SNTG1: variants seen among roughly 807,000 people sequenced by gnomAD.
SNTG1 encodes the protein syntrophin gamma 1.
SNTG1 carries 39 observed loss-of-function variants against 74.7 expected under a neutral mutation model. The observed-to-expected ratio is 0.52, with a 90% CI of 0.40 to 0.68. The LOEUF (loss-of-function observed/expected upper bound fraction) is 0.68, where lower values mean the gene tolerates loss of function less well. SNTG1 is among the 30% of genes least tolerant of loss of function. The pLI is 0.00. For missense variants in SNTG1, 685 were observed against 609.5 expected, an observed-to-expected ratio of 1.12 and a Z score of -1.30; for synonymous variants, 254 against 217.1, an observed-to-expected ratio of 1.17 and a Z score of -1.49.
chr8:50,239,177 A>G (rs1021385679), intron 2 of SNTG1, among the ~76,000 whole-genome samples: 3 of 152,148 alleles, frequency 2.0e-5, no homozygotes, highest in African/African-American at 7.2e-5. Flanking sequence ...CTACCATAAA[A>G]ACATTTGCAC....
chr8:50,571,928 G>A (rs918274672), intron 12 of SNTG1, among the ~76,000 whole-genome samples: 2 of 152,066 alleles, frequency 1.3e-5, no homozygotes, highest in Non-Finnish European at 2.9e-5. Flanking sequence ...CAAAGCCAAG[G>A]ACCCCTGATG....
chr8:50,178,007 A>G (rs1352165957), intron 2 of SNTG1, among the ~76,000 whole-genome samples: 1 of 152,160 alleles, frequency 6.6e-6, no homozygotes, highest in Admixed American at 6.5e-5. Context: ...ACTTAACAAA[A>G]TGCATTTTAG....
At chr8:50,419,169 A>G (rs1298229786) in intron 4 of SNTG1, among the ~76,000 whole-genome samples, 1 of 152,148 alleles carries the variant, frequency 6.6e-6, no homozygotes, top group East Asian at 1.9e-4. Context: ...CCTGGAAATG[A>G]CAATAAGCCC....
At chr8:50,001,573 C>T (rs555238381) in intron 1 of SNTG1, among the ~76,000 whole-genome samples, 14 of 152,296 alleles carry the variant, frequency 9.2e-5, no homozygotes, top group African/African-American at 3.4e-4. Context: ...GAGGCACCAA[C>T]AACTTTCAGA....
At chr8:50,163,399 C>G (rs2082493570) in intron 1 of SNTG1, 1 of 151,294 alleles carries the variant, frequency 6.6e-6, no homozygotes, top group Non-Finnish European at 1.5e-5. Context: ...TTTATGTCTT[C>G]CAGTTATAAT....
chr8:50,621,717 T>C (rs1204734663), intron 13 of SNTG1, among the ~76,000 whole-genome samples: 1 of 152,230 alleles, frequency 6.6e-6, no homozygotes, highest in African/African-American at 2.4e-5. Context: ...CACTGATTTG[T>C]AGGTAATTCA....
chr8:50,001,865 C>A (rs1814770860), intron 1 of SNTG1, among the ~76,000 whole-genome samples: 2 of 152,158 alleles, frequency 1.3e-5, no homozygotes, highest in South Asian at 2.1e-4. Context: ...ATTTATACAA[C>A]CTTCTTAGGA....
intron 13 of SNTG1, among the ~76,000 whole-genome samples, chr8:50,613,745 T>C (rs2094867092): frequency 6.6e-6 from 1 of 151,328 alleles, no homozygotes; most frequent in Non-Finnish European, 1.5e-5. Context: ...CTCTTCTTTT[T>C]AGAAGAAGTT....
At chr8:50,727,883 C>T (rs1427826940) in intron 17 of SNTG1, among the ~76,000 whole-genome samples, 5 of 152,182 alleles carry the variant, frequency 3.3e-5, no homozygotes, top group Admixed American at 3.3e-4. Context: ...TCTTCACCTT[C>T]CTCCTACCTC....
At chr8:50,258,787 G>A (rs1027950454) in intron 2 of SNTG1, among the ~76,000 whole-genome samples, 4 of 152,070 alleles carry the variant, frequency 2.6e-5, no homozygotes, top group Non-Finnish European at 4.4e-5. Context: ...TAAGAGAAAT[G>A]TATGATGCCA....
intron 2 of SNTG1, among the ~76,000 whole-genome samples, chr8:50,228,089 A>G (rs1209526003): frequency 6.6e-6 from 1 of 151,926 alleles, no homozygotes; most frequent in Non-Finnish European, 1.5e-5. Context: ...AAATATAGAC[A>G]GAAGGTTAAT....
chr8:50,610,146 A>T (rs16915079), intron 13 of SNTG1, among the ~76,000 whole-genome samples: 26,051 of 152,132 alleles, frequency 0.17, 5,411 homozygotes, highest in African/African-American at 0.49. Context: ...CCTGAGCAGT[A>T]GCTGTAGGAT....
chr8:50,013,535 A>G (rs1395224065), intron 1 of SNTG1, among the ~76,000 whole-genome samples: 1 of 149,354 alleles, frequency 6.7e-6, no homozygotes, highest in Non-Finnish European at 1.5e-5. Flanking sequence ...ACATATATAC[A>G]TATATATATA....
chr8:50,194,491 T>A (rs901401414), intron 2 of SNTG1, among the ~76,000 whole-genome samples: 1 of 152,142 alleles, frequency 6.6e-6, no homozygotes, highest in African/African-American at 2.4e-5. Context: ...ATCTTTTGCA[T>A]TCCAGTGGTG....
intron 1 of SNTG1, among the ~76,000 whole-genome samples, chr8:49,987,631 T>G (rs187097866): frequency 1.3e-5 from 2 of 149,254 alleles, no homozygotes; most frequent in African/African-American, 4.9e-5. Context: ...GTGGATTTTT[T>G]CCTTTAATTA....
chr8:50,355,145 C>A (rs1347734193), intron 2 of SNTG1, among the ~76,000 whole-genome samples: 2 of 151,970 alleles, frequency 1.3e-5, no homozygotes, highest in Non-Finnish European at 2.9e-5. Context: ...AACATTCTGC[C>A]TGTCAGAGAA....
intron 2 of SNTG1, among the ~76,000 whole-genome samples, chr8:50,183,376 T>C (rs535473054): frequency 5.9e-4 from 90 of 152,264 alleles, no homozygotes; most frequent in African/African-American, 1.9e-3. Context: ...CCCTAAACTG[T>C]ATGATTGCCT....
At chr8:49,962,614 A>C (rs891520617) in intron 1 of SNTG1, among the ~76,000 whole-genome samples, 1 of 151,904 alleles carries the variant, frequency 6.6e-6, no homozygotes, top group African/African-American at 2.4e-5. Context: ...GGATGCAATG[A>C]GATAATGGCC....
chr8:50,463,979 C>T (rs895362719), intron 8 of SNTG1, among the ~76,000 whole-genome samples: 2 of 152,210 alleles, frequency 1.3e-5, no homozygotes, highest in Non-Finnish European at 2.9e-5. Flanking sequence ...CTTCACCTCG[C>T]ATTTTTATGT....
Sources: allele counts gnomAD v4.1 joint callset (sites outside exome capture counted in the v4.1 genomes callset), GRCh38; gene constraint gnomAD v4.1.1; transcripts MANE v1.5; gene names NCBI Gene and HGNC (gene_info 2026-07-23, HGNC 2026-07-21).